The following ITGA1 variants were observed in gnomAD, a reference collection of about 807,000 sequenced individuals.
ITGA1 encodes integrin subunit alpha 1, also known as integrin alpha-1.
ITGA1 carries 85 observed loss-of-function variants against 145.9 expected under a neutral mutation model. The ratio of observed to expected loss-of-function variants is 0.58; its 90% CI spans 0.49 to 0.70. The LOEUF (loss-of-function observed/expected upper bound fraction) is 0.70, where lower values mean the gene tolerates loss of function less well. ITGA1 is among the 30% of genes least tolerant of loss of function. ITGA1 has a pLI of 0.00. For synonymous variants in ITGA1, 520 were observed against 495.3 expected, an observed-to-expected ratio of 1.05 and a Z score of -0.66; for missense variants, 1,351 against 1,418.7, an observed-to-expected ratio of 0.95 and a Z score of 0.77.
Position 52,952,727 on chromosome 5 carries a change from G to T in ITGA1, c.*276G>T, listed in dbSNP as rs1751243667. 5.6e-6 allele frequency: 1 copy of T among 177,508 alleles called. No homozygotes were observed. Among genetic ancestry groups the T allele is most frequent in the Non-Finnish European group, 1.2e-5 (1 of 84,188 alleles). 11.0% of individuals were successfully genotyped at this position (177,508 alleles called of 1,614,324 possible). On this transcript the variant is annotated 3_prime_UTR_variant, in exon 29 of 29. Coordinates refer to ENST00000282588, the MANE Select transcript of ITGA1 (RefSeq NM_181501.2). ...TTTTTAAAAAAACCTGTACAAATATGTTTATGTATTAAATCACCATCCAAA... is the reference window on the plus strand; with the variant it reads ...TTTTTAAAAAAACCTGTACAAATATTTTTATGTATTAAATCACCATCCAAA...
intron 1 of ITGA1, chr5:52,802,631 T>G (rs1748512577): frequency 6.6e-6 from 1 of 152,234 alleles, no homozygotes; most frequent in Non-Finnish European, 1.5e-5. Flanking sequence ...GTGGCAAAGC[T>G]GGAAGTCATT....
intron 2 of ITGA1, among the ~76,000 whole-genome samples, chr5:52,857,948 C>T (rs1172391327): frequency 1.3e-5 from 2 of 152,124 alleles, no homozygotes; most frequent in African/African-American, 4.8e-5. Flanking sequence ...GAATTGCCTC[C>T]AAAAAACTTA....
Position 52,959,167 on chromosome 5 carries a change from C to T in ITGA1, c.*6716C>T, listed in dbSNP as rs192993459. On this transcript the variant is annotated 3_prime_UTR_variant, in exon 29 of 29. Coordinates refer to ENST00000282588, the MANE Select transcript of ITGA1 (RefSeq NM_181501.2). The stretch of plus-strand genomic sequence containing the variant: ...ATTTTACGTCAAGGTAAATGAGCAT[C>T]CTGTTTTATATGTTAAATTTTAAAA... 4 of 152,072 alleles carry T rather than the reference C, an allele frequency of 2.6e-5. No individual in the cohort carries two copies. Among genetic ancestry groups the T allele is most frequent in the African/African-American group, 9.6e-5 (4 of 41,494 alleles). 9.4% of individuals were successfully genotyped at this position (152,072 alleles called of 1,614,324 possible). A position where few individuals can be genotyped will look rare whatever the true frequency, so the allele number is the denominator to read the frequency against.
At chr5:52,794,494 T>C (rs1748301258) in intron 1 of ITGA1, among the ~76,000 whole-genome samples, 1 of 117,452 alleles carries the variant, frequency 8.5e-6, no homozygotes, top group East Asian at 2.2e-4. Flanking sequence ...TACATGCAAA[T>C]AGAAATACAC....
intron 17 of ITGA1, 86 bp downstream of exon 17, chr5:52,920,554 T>C (rs1750715852): frequency 1.8e-6 from 2 of 1,133,584 alleles, no homozygotes; most frequent in East Asian, 2.8e-5. Flanking sequence ...AAATTCTTAC[T>C]GTTTTATTTC....
intron 1 of ITGA1, among the ~76,000 whole-genome samples, chr5:52,809,892 A>G (rs569811322): frequency 4.6e-5 from 7 of 152,278 alleles, no homozygotes; most frequent in African/African-American, 1.7e-4. Flanking sequence ...TGTGGAGTCA[A>G]CAAACCTGAG....
chr5:52,903,365 A>G (rs1001972846), intron 11 of ITGA1: 3 of 152,188 alleles, frequency 2.0e-5, no homozygotes, highest in African/African-American at 7.2e-5. Flanking sequence ...GGCCTGAAAG[A>G]TTCATTTTAA....
At chr5:52,895,753 T>C (rs1750214277) in intron 9 of ITGA1, among the ~76,000 whole-genome samples, 1 of 152,226 alleles carries the variant, frequency 6.6e-6, no homozygotes. Flanking sequence ...GAAGTCTCTA[T>C]ATTTAAATAT....
rs33977926 is a variant in ITGA1 at position 52,832,765 on chromosome 5, C to CTGTGTGTG, written c.62-16560_62-16553dup. Among the ~76,000 whole-genome samples, 289 of 86,746 alleles carry CTGTGTGTG rather than the reference C, an allele frequency of 3.3e-3. 1 individual carries two copies. The highest frequency in any genetic ancestry group is 5.0e-3 in the African/African-American group (116 of 23,108). The allele number at this position is 86,746 out of a possible 152,430, so 56.9% of individuals were successfully genotyped here. A position where few individuals can be genotyped will look rare whatever the true frequency, so the allele number is the denominator to read the frequency against. The stretch of plus-strand genomic sequence containing the variant: ...TTTATTCTGGCAGAAATATATAAAT[C>CTGTGTGTG]TGTGTGTGTGTGTGTGTGTGTGTGT... On this transcript the variant is annotated intron_variant, in intron 1 of 28. Coordinates refer to ENST00000282588, the MANE Select transcript of ITGA1 (RefSeq NM_181501.2).
At chr5:52,916,913 G>T (rs574528662) in intron 15 of ITGA1, among the ~76,000 whole-genome samples, 10 of 152,210 alleles carry the variant, frequency 6.6e-5, no homozygotes, top group Non-Finnish European at 1.3e-4. Context: ...GCAAAGCTTT[G>T]CAAACTTATT....
At position 52,893,890 on chromosome 5, in the gene ITGA1, A is replaced by T. The variant is rs1750187460; in HGVS notation, c.1090+50A>T. 8.4e-6 allele frequency: 12 copies of T among 1,424,718 alleles called. No individual in the cohort carries two copies. The South Asian group carries it at 1.3e-4, about 15-fold the overall frequency. 88.3% of individuals were successfully genotyped at this position (1,424,718 alleles called of 1,614,324 possible). A position where few individuals can be genotyped will look rare whatever the true frequency, so the allele number is the denominator to read the frequency against. The stretch of plus-strand genomic sequence containing the variant: ...CATGTTCTCTCTGCAATTCAAAATC[A>T]GTATAATGGGATTTTTGTATTTATT... On this transcript the variant is annotated intron_variant, in intron 9 of 28. Transcript: ENST00000282588.
At chr5:52,841,833 A>G (rs1373416325) in intron 1 of ITGA1, among the ~76,000 whole-genome samples, 2 of 152,270 alleles carry the variant, frequency 1.3e-5, no homozygotes, top group Non-Finnish European at 2.9e-5. Flanking sequence ...GTGAGAATAT[A>G]TGACTTTAGG....
intron 1 of ITGA1, chr5:52,802,001 A>G (rs975820710): frequency 3.5e-6 from 2 of 571,094 alleles, no homozygotes; most frequent in Admixed American, 3.3e-5. Flanking sequence ...TTGGCAAGAC[A>G]TGTATTTAAA....
intron 16 of ITGA1, 50 bp from the exon 17 acceptor site, chr5:52,920,282 A>T: frequency 7.2e-7 from 1 of 1,396,048 alleles, no homozygotes; most frequent in Non-Finnish European, 9.8e-7. Context: ...ACAATATGAG[A>T]ATCACTTCAA....
chr5:52,947,543 TGTAATATA>T (rs1381415312), intron 28 of ITGA1, 82 bp downstream of exon 28: 1 of 792,832 alleles, frequency 1.3e-6, no homozygotes, highest in Non-Finnish European at 2.2e-6. Context: ...ATTCAGACTA[TGTAATATA>T]GTATTATTAC....
At chr5:52,866,933 A>G (rs1374636539) in intron 6 of ITGA1, 1 of 152,162 alleles carries the variant, frequency 6.6e-6, no homozygotes, top group Non-Finnish European at 1.5e-5. Flanking sequence ...ATCAGAGCCT[A>G]AAAGATTGTT....
intron 14 of ITGA1, among the ~76,000 whole-genome samples, chr5:52,911,099 A>ATT (rs1750514029): frequency 2.9e-5 from 4 of 136,226 alleles, no homozygotes; most frequent in Non-Finnish European, 6.1e-5. Flanking sequence ...GTGTATATAT[A>ATT]GTGTATATAT....
At chr5:52,932,449 T>C (rs1392287347) in intron 22 of ITGA1, 4 of 206,420 alleles carry the variant, frequency 1.9e-5, no homozygotes, top group African/African-American at 6.9e-5. Flanking sequence ...CCAGAAGTCC[T>C]TCGCAAAACA....
chr5:52,865,169 C>A, intron 5 of ITGA1, 87 bp downstream of exon 5: 1 of 956,780 alleles, frequency 1.0e-6, no homozygotes, highest in Non-Finnish European at 1.6e-6. Flanking sequence ...TACCAAAAAG[C>A]TTAAAGTATT....
Sources: gnomAD v4.1 joint callset for allele counts (sites outside exome capture counted in the v4.1 genomes callset) on GRCh38, gnomAD v4.1.1 for gene constraint, MANE v1.5 for transcripts, NCBI Gene and HGNC (gene_info 2026-07-23, HGNC 2026-07-21) for gene names.